The following FBLN7 variants were observed in gnomAD, a reference collection of about 807,000 sequenced individuals.
FBLN7 encodes the protein fibulin-7.
FBLN7 carries 31 observed loss-of-function variants against 44.0 expected under a neutral mutation model. The ratio of observed to expected loss-of-function variants is 0.70; its 90% CI spans 0.53 to 0.95. The LOEUF (loss-of-function observed/expected upper bound fraction) is 0.95. Ranked by LOEUF, FBLN7 falls within the 40% of genes least tolerant of loss-of-function variation. The pLI, the probability that FBLN7 is intolerant of heterozygous loss-of-function variation, is 0.00. For synonymous variants in FBLN7, 262 were observed against 253.4 expected, an observed-to-expected ratio of 1.03 and a Z score of -0.32; for missense variants, 573 against 618.5, an observed-to-expected ratio of 0.93 and a Z score of 0.78.
chr2:112,184,685 G>GTATATATGGTATATATATGTACATGGTA (rs748691876), intron 6 of FBLN7, among the ~76,000 whole-genome samples: 2 of 144,868 alleles, frequency 1.4e-5, no homozygotes, highest in Non-Finnish European at 3.0e-5. Flanking sequence ...TGTATATGGT[G>GTATATATGGTATATATATGTACATGGTA]TATATATGGT....
At chr2:112,200,268 G>A in the FBLN7 span, among the ~76,000 whole-genome samples, 2 of 152,182 alleles carry the variant, frequency 1.3e-5, no homozygotes, top group African/African-American at 4.8e-5. Context: ...AGATTCTCAA[G>A]CTTGGAAATA....
At chr2:112,199,791 A>G in the FBLN7 span, among the ~76,000 whole-genome samples, 1 of 152,172 alleles carries the variant, frequency 6.6e-6, no homozygotes, top group South Asian at 2.1e-4. Context: ...GTGGTCATAA[A>G]TGGATTAATG....
chr2:112,173,817 C>T (rs567597028), intron 3 of FBLN7, among the ~76,000 whole-genome samples: 14 of 152,356 alleles, frequency 9.2e-5, no homozygotes, highest in African/African-American at 3.1e-4. Flanking sequence ...CCGGGCTGGA[C>T]ATCAGGCCAT....
intron 1 of FBLN7, among the ~76,000 whole-genome samples, chr2:112,159,073 T>G (rs1681582628): frequency 6.6e-6 from 1 of 152,180 alleles, no homozygotes; most frequent in African/African-American, 2.4e-5. Flanking sequence ...CTGCTTTAAG[T>G]TAGGTAGCCT....
At chr2:112,238,941 T>C in the FBLN7 span, among the ~76,000 whole-genome samples, 1 of 152,390 alleles carries the variant, frequency 6.6e-6, no homozygotes, top group Non-Finnish European at 1.5e-5. Context: ...TAATTTATCA[T>C]TTTGTAAAAC....
intron 4 of FBLN7, 110 bp from the exon 5 acceptor site, chr2:112,181,629 T>G: frequency 7.9e-7 from 1 of 1,271,320 alleles, no homozygotes; most frequent in Non-Finnish European, 1.0e-6. Flanking sequence ...GAGTAAGCCC[T>G]TTGAGAAGGG....
At chr2:112,150,697 G>A (rs1009517641) in intron 1 of FBLN7, among the ~76,000 whole-genome samples, 1 of 152,130 alleles carries the variant, frequency 6.6e-6, no homozygotes, top group Non-Finnish European at 1.5e-5. Context: ...CCTGCCCCTT[G>A]TGAATCAGTT....
At chr2:112,231,957 G>A in the FBLN7 span, 6 of 1,428,982 alleles carry the variant, frequency 4.2e-6, no homozygotes, top group Non-Finnish European at 5.8e-6. Context: ...TGTAACCCAA[G>A]TGTTAAGGAA....
the FBLN7 span, among the ~76,000 whole-genome samples, chr2:112,206,290 T>A: frequency 6.6e-6 from 1 of 152,236 alleles, no homozygotes; most frequent in Non-Finnish European, 1.5e-5. Flanking sequence ...CCTAAAAGTT[T>A]ATCAGTTTTA....
chr2:112,232,048 G>T, the FBLN7 span: 1 of 622,648 alleles, frequency 1.6e-6, no homozygotes, highest in African/African-American at 1.9e-5. Flanking sequence ...CTGTGGCCGG[G>T]CGAGGTGGCT....
At chr2:112,154,877 A>G (rs1300242080) in intron 1 of FBLN7, among the ~76,000 whole-genome samples, 1 of 152,130 alleles carries the variant, frequency 6.6e-6, no homozygotes, top group Non-Finnish European at 1.5e-5. Flanking sequence ...AGACTCAGAG[A>G]CAGGCCGGTT....
the FBLN7 span, among the ~76,000 whole-genome samples, chr2:112,223,535 A>ACTAT: frequency 3.6e-4 from 55 of 152,270 alleles, no homozygotes; most frequent in African/African-American, 1.3e-3. Flanking sequence ...GACTTTTTAA[A>ACTAT]CTATCTGCAT....
rs112372758 is a variant in FBLN7 at position 112,138,509 on chromosome 2, G to T, written c.-147G>T. On this transcript the variant is annotated 5_prime_UTR_variant, in exon 1 of 8. Transcript: ENST00000331203. Reference sequence around the variant, plus strand: ...CCCCGCGGGACGCGCTGCGCTCGGGGCCTCCCGCCTCCCCCCCTGCCCCAG... The same window carrying T: ...CCCCGCGGGACGCGCTGCGCTCGGGTCCTCCCGCCTCCCCCCCTGCCCCAG... 5 of 1,072,138 alleles carry T rather than the reference G, an allele frequency of 4.7e-6. No individual in the cohort carries two copies. Among genetic ancestry groups the T allele is most frequent in the Non-Finnish European group, 5.0e-6 (4 of 794,544 alleles). The allele number at this position is 1,072,138 out of a possible 1,614,324, so 66.4% of individuals were successfully genotyped here.
At chr2:112,152,705 T>G (rs1176442409) in intron 1 of FBLN7, 1 of 152,172 alleles carries the variant, frequency 6.6e-6, no homozygotes, top group Non-Finnish European at 1.5e-5. Context: ...GCCTCCACAC[T>G]GCCTTCTGCC....
chr2:112,159,824 A>G lies in FBLN7; in HGVS notation c.224A>G (p.Asp75Gly). Residue 75 changes from aspartate to glycine, a missense_variant, in exon 2 of 8, where the codon GAT becomes GGT. Asp to Gly is a moderately conservative substitution (Grantham distance 94). Coordinates refer to ENST00000331203, the MANE Select transcript of FBLN7 (RefSeq NM_153214.3). Reference protein sequence around the residue: ...LQNSVGRVGPDALPVSCPALN... With the variant: ...LQNSVGRVGPGALPVSCPALN... ...AACTCTGTGGGCAGGGTGGGCCCAG[A>G]TGCCCTTCCAGGTGGGTCCCCACGT... 1 of 1,555,714 alleles carries G rather than the reference A, an allele frequency of 6.4e-7. No individual in the cohort carries two copies. Among genetic ancestry groups the G allele is most frequent in the Non-Finnish European group, 8.7e-7 (1 of 1,153,118 alleles).
intron 1 of FBLN7, among the ~76,000 whole-genome samples, chr2:112,139,154 CAG>C (rs2104527511): frequency 1.2e-5 from 1 of 82,756 alleles, no homozygotes; most frequent in Non-Finnish European, 2.4e-5. Flanking sequence ...CTCTCCACGC[CAG>C]TGTCCCTCCC....
At chr2:112,224,791 T>C in the FBLN7 span, among the ~76,000 whole-genome samples, 2 of 152,178 alleles carry the variant, frequency 1.3e-5, no homozygotes, top group South Asian at 4.1e-4. Context: ...ACTGAAAGAA[T>C]ACCAGTGGAT....
intron 3 of FBLN7, among the ~76,000 whole-genome samples, chr2:112,173,764 C>G (rs780567208): frequency 3.3e-5 from 5 of 152,246 alleles, no homozygotes; most frequent in African/African-American, 1.2e-4. Flanking sequence ...GACATACGTG[C>G]GTGTGATGAC....
At chr2:112,141,537 C>G (rs1189890473) in intron 1 of FBLN7, among the ~76,000 whole-genome samples, 1 of 152,174 alleles carries the variant, frequency 6.6e-6, no homozygotes, top group Non-Finnish European at 1.5e-5. Flanking sequence ...TACTCAGTGA[C>G]CAGGCAGCAG....
Sources: gnomAD v4.1 joint callset for allele counts (sites outside exome capture counted in the v4.1 genomes callset) on GRCh38, gnomAD v4.1.1 for gene constraint, MANE v1.5 for transcripts, NCBI Gene and HGNC (gene_info 2026-07-23, HGNC 2026-07-21) for gene names.